The following CSTF3 variants were observed in gnomAD, a reference collection of about 807,000 sequenced individuals.
CSTF3 encodes the protein CF-1 77 kDa subunit.
A neutral mutation model predicts 105.8 loss-of-function variants in CSTF3; 29 were observed. The ratio of observed to expected loss-of-function variants is 0.27; its 90% CI spans 0.20 to 0.37. The LOEUF is 0.37. Ranked by LOEUF, CSTF3 falls within the 10% of genes least tolerant of loss-of-function variation. The pLI is 1.00. For synonymous variants in CSTF3, 252 were observed against 281.9 expected, an observed-to-expected ratio of 0.89 and a Z score of 1.06; for missense variants, 357 against 879.3, an observed-to-expected ratio of 0.41 and a Z score of 7.51.
Position 33,103,201 on chromosome 11 carries a change from A to G in CSTF3, c.586-17T>C, listed in dbSNP as rs1855295849. The G allele has an allele frequency of 8.0e-7, 1 of 1,242,328 alleles. No homozygotes were observed. 77.0% of individuals were successfully genotyped at this position (1,242,328 alleles called of 1,614,324 possible). A position where few individuals can be genotyped will look rare whatever the true frequency, so the allele number is the denominator to read the frequency against. On this transcript the variant is annotated splice_polypyrimidine_tract_variant and intron_variant, in intron 8 of 20. Transcript: ENST00000323959. ...ATTGATACCCTAGAAAAAAACAAAA[A>G]TATTTTAAAATTAAGTATAGTTTCT...
intron 20 of CSTF3, 129 bp from the exon 21 acceptor site, chr11:33,085,418 ATAAT>A (rs1353717179): frequency 1.9e-5 from 15 of 772,352 alleles, no homozygotes; most frequent in East Asian, 1.4e-4. Context: ...CTGATACTAA[ATAAT>A]TAAAGAAAAA....
intron 3 of CSTF3, among the ~76,000 whole-genome samples, chr11:33,136,584 G>A (rs1419533704): frequency 6.6e-6 from 1 of 151,884 alleles, no homozygotes; most frequent in Non-Finnish European, 1.5e-5. Context: ...ACTTAAACTG[G>A]TCCTTTTGTT....
At chr11:33,131,788 C>A (rs967584404) in intron 3 of CSTF3, among the ~76,000 whole-genome samples, 1 of 152,058 alleles carries the variant, frequency 6.6e-6, no homozygotes, top group African/African-American at 2.4e-5. Flanking sequence ...GGAGGTGGAG[C>A]CTGCAGTGAG....
intron 10 of CSTF3, among the ~76,000 whole-genome samples, chr11:33,100,171 A>G (rs1057290182): frequency 6.6e-6 from 1 of 152,110 alleles, no homozygotes; most frequent in African/African-American, 2.4e-5. Context: ...CCTGGCTAAC[A>G]TGGTGAAACC....
At chr11:33,143,439 A>G (rs572880377) in intron 1 of CSTF3, among the ~76,000 whole-genome samples, 32 of 152,340 alleles carry the variant, frequency 2.1e-4, no homozygotes, top group African/African-American at 6.7e-4. Context: ...GGGATGGTCA[A>G]ATAAGCCAGA....
At chr11:33,089,616 A>G (rs988665542) in intron 17 of CSTF3, among the ~76,000 whole-genome samples, 1 of 152,230 alleles carries the variant, frequency 6.6e-6, no homozygotes, top group Non-Finnish European at 1.5e-5. Context: ...TCATACCAGG[A>G]ATCTGCATCT....
At position 33,099,512 on chromosome 11, in the gene CSTF3, T is replaced by A; in HGVS notation, c.936+96A>T. Reference sequence around the variant, plus strand: ...CGTAAACTTAAATTTTCAATACTTATGCTTTATTACCAAAATTCAGTTATA... The same window carrying A: ...CGTAAACTTAAATTTTCAATACTTAAGCTTTATTACCAAAATTCAGTTATA... On this transcript the variant is annotated intron_variant, in intron 11 of 20. Transcript: ENST00000323959. This position sits in a 1 kb window ranked among gnomAD's most constrained non-coding sequence, Gnocchi z 4.1. The A allele has an allele frequency of 1.2e-6, 1 of 836,438 alleles. No individual in the cohort carries two copies. The highest frequency in any genetic ancestry group is 1.6e-5 in the South Asian group (1 of 60,828). The allele number at this position is 836,438 out of a possible 1,614,324, so 51.8% of individuals were successfully genotyped here.
intron 3 of CSTF3, among the ~76,000 whole-genome samples, chr11:33,138,470 A>C (rs145133585): frequency 8.7e-4 from 132 of 151,992 alleles, no homozygotes; most frequent in Admixed American, 5.9e-3. Flanking sequence ...AGTTCTTTAA[A>C]GAGCACTGAG....
chr11:33,105,792 G>A (rs1855320371), intron 7 of CSTF3, 91 bp downstream of exon 7: 3 of 1,517,318 alleles, frequency 2.0e-6, no homozygotes, highest in South Asian at 1.2e-5. Context: ...ACAACTCTAT[G>A]GAAAATAGTA....
chr11:33,138,370 G>C (rs1235565491), intron 3 of CSTF3, among the ~76,000 whole-genome samples: 1 of 151,636 alleles, frequency 6.6e-6, no homozygotes, highest in Non-Finnish European at 1.5e-5. Flanking sequence ...GGCTGGGTGG[G>C]GCAGAACAAT....
intron 1 of CSTF3, among the ~76,000 whole-genome samples, chr11:33,151,707 T>C (rs12801004): frequency 0.34 from 51,343 of 152,084 alleles, 9,734 homozygotes; most frequent in Middle Eastern, 0.47. Context: ...TTTTCCTTTT[T>C]CTTGGATATA....
intron 8 of CSTF3, among the ~76,000 whole-genome samples, 154 bp downstream of exon 8, chr11:33,105,413 A>T (rs757095174): frequency 3.3e-5 from 5 of 152,144 alleles, no homozygotes; most frequent in Non-Finnish European, 7.4e-5. Context: ...CTATATGGAG[A>T]CTCTCAAACC....
intron 1 of CSTF3, among the ~76,000 whole-genome samples, chr11:33,154,491 CTTTTTTTTTTTT>C (rs34462847): frequency 1.6e-5 from 1 of 60,892 alleles, no homozygotes; most frequent in South Asian, 6.4e-4. Context: ...GTAAGACTTT[CTTTTTTTTTTTT>C]TTTTTTTTTT....
intron 3 of CSTF3, among the ~76,000 whole-genome samples, chr11:33,110,359 T>C (rs955486493): frequency 5.9e-5 from 9 of 152,178 alleles, no homozygotes; most frequent in African/African-American, 2.2e-4. Context: ...ATGTCAACAT[T>C]CGTCTGGGGT....
intron 3 of CSTF3, among the ~76,000 whole-genome samples, chr11:33,125,696 G>A (rs1855535966): frequency 6.6e-6 from 1 of 152,168 alleles, no homozygotes; most frequent in African/African-American, 2.4e-5. Flanking sequence ...AAGGGGAAAG[G>A]ATATCCCATT....
rs1855288154 is a variant in CSTF3 at position 33,102,294 on chromosome 11, C to T, written c.709G>A (p.Val237Met). 2.5e-6 allele frequency: 4 copies of T among 1,613,970 alleles called. No individual in the cohort carries two copies. Among genetic ancestry groups the T allele is most frequent in the Admixed American group, 1.7e-5 (1 of 59,996 alleles). ...TCTTGAGGAGTATTCTGAGGAGGCA[C>T]CGAGGGAGCATTACGGTCCAAGCCT... ...MKGLDRNAPS[V>M]PPQNTPQEAQ... The change falls in exon 10 of 21, where the codon GTG (valine) becomes ATG (methionine). Residue 237 changes from valine (V) to methionine (M), a missense_variant. Physicochemically the swap from Val to Met is conservative, Grantham distance 21 (BLOSUM62 1). This residue lies in a region of CSTF3 where 206 missense variants were observed against 576.5 expected (regional missense o/e 0.36). Transcript: ENST00000323959.
At chr11:33,152,294 G>A (rs12801128) in intron 1 of CSTF3, among the ~76,000 whole-genome samples, 84,555 of 151,960 alleles carry the variant, frequency 0.56, 26,119 homozygotes, top group Non-Finnish European at 0.69. Flanking sequence ...AAAACTGGAC[G>A]TATTATTATT....
At chr11:33,092,459 A>C in intron 15 of CSTF3, 119 bp from the exon 16 acceptor site, 28 of 566,412 alleles carry the variant, frequency 4.9e-5, no homozygotes. Flanking sequence ...TTTAACTATT[A>C]TCACACTTGA....
At chr11:33,104,046 C>A (rs543325341) in intron 8 of CSTF3, among the ~76,000 whole-genome samples, 1 of 152,254 alleles carries the variant, frequency 6.6e-6, no homozygotes, top group South Asian at 2.1e-4. Context: ...GGGCTGGCCT[C>A]AAACTCCTGG....
Sources: allele counts gnomAD v4.1 joint callset (sites outside exome capture counted in the v4.1 genomes callset), GRCh38; gene constraint gnomAD v4.1.1; regional missense constraint gnomAD v4.1.1; non-coding constraint Gnocchi (gnomAD v3.1); transcripts MANE v1.5; gene names NCBI Gene and HGNC (gene_info 2026-07-23, HGNC 2026-07-21).